The following PRKG1 variants were observed in gnomAD, a reference collection of about 807,000 sequenced individuals.
PRKG1 encodes the protein cGMP-dependent protein kinase 1.
PRKG1 carries 35 observed loss-of-function variants against 88.1 expected under a neutral mutation model. That is an observed-to-expected ratio of 0.40 (90% CI 0.30 to 0.53). The LOEUF (loss-of-function observed/expected upper bound fraction) is 0.53. Among genes scored for constraint, PRKG1 ranks in the 20% least tolerant of loss-of-function variants. The pLI is 0.59. For synonymous variants in PRKG1, 303 were observed against 292.5 expected (o/e 1.04, Z -0.37); for missense variants, 540 against 839.8 (o/e 0.64, Z 4.41).
intron 4 of PRKG1, among the ~76,000 whole-genome samples, chr10:51,854,246 G>A (rs1421808152): frequency 6.6e-6 from 1 of 151,784 alleles, no homozygotes; most frequent in Non-Finnish European, 1.5e-5. Context: ...TTTTTGATTT[G>A]ACCTACTGGG....
intron 3 of PRKG1, among the ~76,000 whole-genome samples, chr10:51,605,987 C>CTGGG (rs1172536777): frequency 6.6e-6 from 1 of 152,144 alleles, no homozygotes; most frequent in Non-Finnish European, 1.5e-5. Flanking sequence ...GCTAACGCAT[C>CTGGG]TGGGACTAGC....
chr10:52,124,120 G>A (rs1847880427), intron 7 of PRKG1, among the ~76,000 whole-genome samples: 1 of 152,208 alleles, frequency 6.6e-6, no homozygotes, highest in South Asian at 2.1e-4. Context: ...AGTCCATGGT[G>A]TGAGGAAGCA....
Position 51,176,323 on chromosome 10 carries a change from G to A in PRKG1, c.478+22993G>A, listed in dbSNP as rs1021498846. Among the ~76,000 whole-genome samples, 4 of 152,066 alleles carry A rather than the reference G, an allele frequency of 2.6e-5. 1 individual carries two copies. Among genetic ancestry groups the A allele is most frequent in the Non-Finnish European group, 5.9e-5 (4 of 67,998 alleles). ...GGTTTCAAACCCTGTTCTCTTTGAT[G>A]CATTTTGCCCGTCAGGTGCAGAGGG... is the stretch of plus-strand genomic sequence containing the variant. On this transcript the variant is annotated intron_variant, in intron 2 of 17. Coordinates refer to ENST00000373980, the MANE Select transcript of PRKG1 (RefSeq NM_006258.4).
At chr10:51,040,232 TTGTGTGTGTGTGTGTGTGTGTGTG>T (rs373057468) in intron 1 of PRKG1, among the ~76,000 whole-genome samples, 5 of 117,788 alleles carry the variant, frequency 4.2e-5, no homozygotes, top group Non-Finnish European at 1.7e-5. Context: ...TCCATTCCAT[TTGTGTGTGTGTGTGTGTGTGTGTG>T]TGTGTGTGTG....
intron 8 of PRKG1, among the ~76,000 whole-genome samples, chr10:52,155,732 G>GCCACACACACAC (rs3220860): frequency 0.15 from 21,861 of 147,788 alleles, 2,012 homozygotes; most frequent in South Asian, 0.27. Context: ...ATTGCCATTG[G>GCCACACACACAC]ACACACACAC....
At chr10:52,137,825 C>T (rs1412484050) in intron 8 of PRKG1, among the ~76,000 whole-genome samples, 1 of 152,002 alleles carries the variant, frequency 6.6e-6, no homozygotes, top group Non-Finnish European at 1.5e-5. Context: ...ATATGGAAGG[C>T]TGACTGTATA....
chr10:52,196,158 A>G (rs1589691935), intron 9 of PRKG1, among the ~76,000 whole-genome samples: 1 of 151,958 alleles, frequency 6.6e-6, no homozygotes, highest in East Asian at 1.9e-4. Context: ...GACTACAGGC[A>G]CCCGCCACCA....
chr10:51,978,945 C>T (rs1269280653), intron 5 of PRKG1, among the ~76,000 whole-genome samples: 1 of 151,944 alleles, frequency 6.6e-6, no homozygotes, highest in African/African-American at 2.4e-5. Flanking sequence ...TTTGGATGTG[C>T]TTTATTTCTT....
intron 1 of PRKG1, among the ~76,000 whole-genome samples, chr10:51,138,692 T>TTG (rs1564614823): frequency 7.3e-6 from 1 of 136,482 alleles, no homozygotes; most frequent in Non-Finnish European, 1.6e-5. Flanking sequence ...TTTTTTTTTT[T>TTG]TTTTTTTTTG....
At chr10:51,504,988 G>A (rs534165353) in intron 3 of PRKG1, among the ~76,000 whole-genome samples, 59 of 152,180 alleles carry the variant, frequency 3.9e-4, no homozygotes, top group African/African-American at 1.4e-3. Flanking sequence ...AATTGCCCTG[G>A]CCAGAACTTC....
intron 5 of PRKG1, among the ~76,000 whole-genome samples, chr10:51,929,762 C>T (rs536849695): frequency 2.0e-4 from 31 of 152,222 alleles, no homozygotes; most frequent in African/African-American, 7.2e-4. Flanking sequence ...CTGGAGCTTC[C>T]TCTTAGAGGA....
chr10:52,177,322 C>A (rs1267448402), intron 9 of PRKG1, among the ~76,000 whole-genome samples: 1 of 151,928 alleles, frequency 6.6e-6, no homozygotes, highest in African/African-American at 2.4e-5. Flanking sequence ...TTATTTGCAT[C>A]TTTTAAACCA....
chr10:52,293,231 A>G (rs1050443487), intron 17 of PRKG1, among the ~76,000 whole-genome samples: 2 of 151,800 alleles, frequency 1.3e-5, no homozygotes, highest in East Asian at 1.9e-4. Context: ...TTCAAGGAGA[A>G]CTACAACCCA....
chr10:51,681,434 C>T (rs966163430), intron 3 of PRKG1, among the ~76,000 whole-genome samples: 1 of 152,028 alleles, frequency 6.6e-6, no homozygotes, highest in African/African-American at 2.4e-5. Flanking sequence ...TTATTCAAAA[C>T]ATGACTATTT....
chr10:51,207,484 G>T (rs777485475), intron 2 of PRKG1, among the ~76,000 whole-genome samples: 1 of 152,020 alleles, frequency 6.6e-6, no homozygotes, highest in Non-Finnish European at 1.5e-5. Context: ...TGGTTACCTC[G>T]CTGGTGCCTG....
chr10:51,876,925 C>G (rs569957440), intron 4 of PRKG1, among the ~76,000 whole-genome samples: 2 of 152,132 alleles, frequency 1.3e-5, no homozygotes, highest in African/African-American at 4.8e-5. Context: ...GGAAATTTGC[C>G]TAGTAATGAA....
intron 8 of PRKG1, among the ~76,000 whole-genome samples, chr10:52,140,314 A>G (rs1189102398): frequency 6.6e-6 from 1 of 152,196 alleles, no homozygotes; most frequent in African/African-American, 2.4e-5. Flanking sequence ...GCGTCTGATC[A>G]GCACTGCCCA....
At chr10:51,853,870 T>A (rs977625764) in intron 4 of PRKG1, among the ~76,000 whole-genome samples, 1 of 152,146 alleles carries the variant, frequency 6.6e-6, no homozygotes, top group Non-Finnish European at 1.5e-5. Flanking sequence ...TTTATTGCCA[T>A]TTTGTGGGTG....
intron 4 of PRKG1, among the ~76,000 whole-genome samples, chr10:51,902,359 G>T (rs971446921): frequency 2.6e-5 from 4 of 151,896 alleles, no homozygotes; most frequent in Non-Finnish European, 5.9e-5. Flanking sequence ...CAGGTGATCT[G>T]CCTGCCTAGG....
Sources: allele counts gnomAD v4.1 joint callset (sites outside exome capture counted in the v4.1 genomes callset), GRCh38; gene constraint gnomAD v4.1.1; transcripts MANE v1.5; gene names NCBI Gene and HGNC (gene_info 2026-07-23, HGNC 2026-07-21).